CFAP54: variants seen among roughly 807,000 people sequenced by gnomAD.
CFAP54 encodes the protein cilia- and flagella-associated protein 54.
In CFAP54, 290 loss-of-function variants were observed where a neutral mutation model predicts 370.4. That is an observed-to-expected ratio of 0.78 (90% CI 0.71 to 0.86). CFAP54 has a LOEUF of 0.86. CFAP54 is among the 40% of genes least tolerant of loss of function. CFAP54 has a pLI of 0.00. For missense variants in CFAP54, 3,399 were observed against 3,528.7 expected (o/e 0.96, Z 0.93); for synonymous variants, 1,206 against 1,236.5 (o/e 0.98, Z 0.52).
chr12:96,596,800 T>C (rs971412899), intron 25 of CFAP54, among the ~76,000 whole-genome samples: 2 of 152,058 alleles, frequency 1.3e-5, no homozygotes, highest in African/African-American at 2.4e-5. Context: ...CAAGTATATA[T>C]ACATGTATAA....
intron 25 of CFAP54, among the ~76,000 whole-genome samples, chr12:96,595,423 T>C (rs936817205): frequency 6.6e-6 from 1 of 152,134 alleles, no homozygotes; most frequent in Admixed American, 6.5e-5. Context: ...AGATGTAAGA[T>C]TTTGCTGCTG....
rs1307987682 is a variant in CFAP54 at position 96,756,572 on chromosome 12, A to C, written c.7946+9A>C. On this transcript the variant is annotated intron_variant, in intron 57 of 67. Coordinates refer to ENST00000524981, the MANE Select transcript of CFAP54 (RefSeq NM_001306084.2). ...AATGATCAAAACTCAGGGTAAAAAG[A>C]TATTCCATTGTTGTAGCTGTGTGTG... 5 of 1,543,780 alleles carry C rather than the reference A, an allele frequency of 3.2e-6. No individual in the cohort carries two copies. The highest frequency in any genetic ancestry group is 1.7e-4 in the Middle Eastern group (1 of 5,918).
In CFAP54 at chr12:96,554,205, T is replaced by G; in HGVS notation, c.2178T>G (p.Leu726=). 5 of 1,514,696 alleles carry G rather than the reference T, an allele frequency of 3.3e-6. No individual in the cohort carries two copies. Among genetic ancestry groups the G allele is most frequent in the Non-Finnish European group, 4.4e-6 (5 of 1,138,356 alleles). The allele number at this position is 1,514,696 out of a possible 1,614,324, so 93.8% of individuals were successfully genotyped here. ...AGAAAAATCCTGTGGAACAGTTACT[T>G]TTTGCTTATAAACTTCTTGACAGAG... ...ILQKNPVEQL[L]FAYKLLDRAI... Residue 726 remains leucine (L), a synonymous_variant, in exon 16 of 68, where the codon CTT becomes CTG. Coordinates refer to ENST00000524981, the MANE Select transcript of CFAP54 (RefSeq NM_001306084.2).
chr12:96,803,732 A>G (rs370324256), intron 63 of CFAP54, among the ~76,000 whole-genome samples: 1 of 152,184 alleles, frequency 6.6e-6, no homozygotes, highest in Non-Finnish European at 1.5e-5. Flanking sequence ...CACCCTCAGG[A>G]AAAAATAATT....
intron 26 of CFAP54, among the ~76,000 whole-genome samples, chr12:96,616,715 T>C (rs554347439): frequency 2.6e-5 from 4 of 152,328 alleles, no homozygotes; most frequent in South Asian, 4.1e-4. Flanking sequence ...TAATCAAATT[T>C]ATCTTTTATC....
At chr12:96,837,993 G>T (rs1320036886) in intron 66 of CFAP54, among the ~76,000 whole-genome samples, 1 of 152,300 alleles carries the variant, frequency 6.6e-6, no homozygotes, top group African/African-American at 2.4e-5. Context: ...TTTTAGAAGG[G>T]TTCACTAGTT....
chr12:96,523,217 G>A (rs2136371049), intron 8 of CFAP54, among the ~76,000 whole-genome samples: 1 of 152,264 alleles, frequency 6.6e-6, no homozygotes, highest in African/African-American at 2.4e-5. Context: ...ACCTGGAAAG[G>A]ATTTGGGAAA....
intron 42 of CFAP54, among the ~76,000 whole-genome samples, chr12:96,687,890 G>T (rs1957345169): frequency 6.6e-6 from 1 of 152,192 alleles, no homozygotes; most frequent in Admixed American, 6.5e-5. Context: ...CTGAGCTTCT[G>T]AAGTTATTAC....
chr12:96,791,938 C>T (rs1296848259), intron 62 of CFAP54, among the ~76,000 whole-genome samples: 2 of 151,914 alleles, frequency 1.3e-5, no homozygotes, highest in Non-Finnish European at 2.9e-5. Context: ...CAACCTCTGC[C>T]TCCCAGGTTC....
chr12:96,598,789 T>C, intron 26 of CFAP54, 22 bp downstream of exon 26: 1 of 569,456 alleles, frequency 1.8e-6, no homozygotes, highest in South Asian at 2.4e-5. Context: ...ATTCTTTATC[T>C]AGTATTATAA....
chr12:96,727,969 G>T (rs540716168), intron 50 of CFAP54, among the ~76,000 whole-genome samples: 77 of 151,840 alleles, frequency 5.1e-4, no homozygotes, highest in African/African-American at 1.8e-3. Context: ...ATTCTGGGTT[G>T]AAAATTCTTT....
At chr12:96,667,536 C>T (rs925435522) in intron 39 of CFAP54, among the ~76,000 whole-genome samples, 7 of 152,196 alleles carry the variant, frequency 4.6e-5, no homozygotes, top group Non-Finnish European at 1.0e-4. Flanking sequence ...AGCCATGGCC[C>T]GAGCTGTACC....
intron 9 of CFAP54, among the ~76,000 whole-genome samples, chr12:96,531,183 A>G (rs757382515): frequency 4.6e-5 from 7 of 152,158 alleles, no homozygotes; most frequent in African/African-American, 7.2e-5. Context: ...GCTGAAATAC[A>G]AACTCTAAGA....
At chr12:96,539,064 G>GT (rs1314197505) in intron 13 of CFAP54, among the ~76,000 whole-genome samples, 9,576 of 110,320 alleles carry the variant, frequency 0.087, 1,349 homozygotes, top group Non-Finnish European at 0.12. Context: ...GCCTTTTCAG[G>GT]TTTTTTTTTT....
At position 96,527,454 on chromosome 12, in the gene CFAP54, A is replaced by T; in HGVS notation, c.1357+10A>T. ...AAAGAACTTTTGATAAGTAAATAAG[A>T]TGTTAAGATATTGTTTTATGATAGA... On this transcript the variant is annotated intron_variant, in intron 9 of 67. Transcript: ENST00000524981. 6.7e-7 allele frequency: 1 copy of T among 1,491,380 alleles called. No homozygotes were observed. Among genetic ancestry groups the T allele is most frequent in the Non-Finnish European group, 8.9e-7 (1 of 1,119,934 alleles). The allele number at this position is 1,491,380 out of a possible 1,614,324, so 92.4% of individuals were successfully genotyped here. A position where few individuals can be genotyped will look rare whatever the true frequency, so the allele number is the denominator to read the frequency against.
intron 50 of CFAP54, among the ~76,000 whole-genome samples, chr12:96,737,107 G>A (rs921323167): frequency 3.9e-5 from 6 of 152,120 alleles, no homozygotes; most frequent in African/African-American, 1.4e-4. Context: ...GATTTTTGGG[G>A]GGAGTTTGGA....
chr12:96,842,566 G>C (rs1959230277), intron 66 of CFAP54, among the ~76,000 whole-genome samples: 1 of 152,060 alleles, frequency 6.6e-6, no homozygotes, highest in Non-Finnish European at 1.5e-5. Context: ...GCTAAATTCT[G>C]TGGAGAGCCA....
intron 48 of CFAP54, 46 bp downstream of exon 48, chr12:96,708,849 C>T: frequency 6.9e-7 from 1 of 1,451,032 alleles, no homozygotes; most frequent in Admixed American, 2.0e-5. Flanking sequence ...CTCCCTTTCC[C>T]TAACTGTTCT....
chr12:96,568,173 T>C (rs1322403858), intron 19 of CFAP54, among the ~76,000 whole-genome samples: 5 of 151,246 alleles, frequency 3.3e-5, no homozygotes, highest in Non-Finnish European at 7.4e-5. Flanking sequence ...GAGGGAAGAA[T>C]ATACACGGAC....
Sources: allele counts gnomAD v4.1 joint callset (sites outside exome capture counted in the v4.1 genomes callset), GRCh38; gene constraint gnomAD v4.1.1; transcripts MANE v1.5; gene names NCBI Gene and HGNC (gene_info 2026-07-23, HGNC 2026-07-21).